Variants in INSC observed in about 807,000 individuals in gnomAD.
INSC encodes INSC spindle orientation adaptor protein, also known as protein inscuteable homolog.
Under a neutral mutation model 58.6 loss-of-function variants are expected in INSC, and 67 were observed. The ratio of observed to expected loss-of-function variants is 1.14; its 90% confidence interval spans 0.94 to 1.40. INSC has a LOEUF of 1.40. INSC is among the 40% of genes most tolerant of loss of function. The pLI is 0.00. For synonymous variants in INSC, 262 were observed against 276.1 expected (o/e 0.95, Z 0.51); for missense variants, 714 against 692.0 (o/e 1.03, Z -0.36).
chr11:15,164,872 C>T (rs1714342), intron 2 of INSC, among the ~76,000 whole-genome samples: 125,391 of 152,052 alleles, frequency 0.82, 51,836 homozygotes, highest in East Asian at 0.98. Context: ...ATAAGTCTCA[C>T]GAGATCTGAT....
the INSC span, among the ~76,000 whole-genome samples, chr11:15,258,118 G>A: frequency 2.6e-5 from 4 of 152,108 alleles, no homozygotes; most frequent in African/African-American, 7.2e-5. Context: ...GTAGACATAC[G>A]GGTGTTTGTT....
At chr11:15,216,464 T>C (rs1851222671) in intron 7 of INSC, among the ~76,000 whole-genome samples, 1 of 152,204 alleles carries the variant, frequency 6.6e-6, no homozygotes, top group Non-Finnish European at 1.5e-5. Flanking sequence ...TCATCTCTCT[T>C]ATTTATTTCT....
At chr11:15,115,072 G>C (rs1450050954) in intron 1 of INSC, 69 bp downstream of exon 1, 7 of 941,890 alleles carry the variant, frequency 7.4e-6, no homozygotes, top group Non-Finnish European at 8.9e-6. Flanking sequence ...GTTGGGAACA[G>C]TGCAGGTTTG....
intron 9 of INSC, 36 bp downstream of exon 9, chr11:15,225,864 T>C (rs765700531): frequency 6.3e-7 from 1 of 1,590,490 alleles, no homozygotes; most frequent in Non-Finnish European, 8.6e-7. Context: ...ACAGGGCCCA[T>C]AGCCATGGAG....
chr11:15,187,673 C>T (rs1850020294), intron 5 of INSC, among the ~76,000 whole-genome samples: 1 of 152,134 alleles, frequency 6.6e-6, no homozygotes, highest in Non-Finnish European at 1.5e-5. Flanking sequence ...TCTCCTTAGC[C>T]CCCTTTTAAT....
the INSC span, among the ~76,000 whole-genome samples, chr11:15,267,009 T>G: frequency 1.3e-5 from 2 of 152,028 alleles, no homozygotes; most frequent in Non-Finnish European, 2.9e-5. Context: ...TTAGTATCAT[T>G]TTTCTTCTGA....
At chr11:15,254,638 G>A in the INSC span, among the ~76,000 whole-genome samples, 1 of 152,162 alleles carries the variant, frequency 6.6e-6, no homozygotes, top group Non-Finnish European at 1.5e-5. Context: ...GGTAATACAT[G>A]GAAAAGACTT....
upstream of INSC, among the ~76,000 whole-genome samples, chr11:15,114,761 C>T (rs1847650033): frequency 6.6e-6 from 1 of 152,054 alleles, no homozygotes; most frequent in African/African-American, 2.4e-5. Flanking sequence ...AGACAGCAGG[C>T]AGCCGTGGCT....
intron 2 of INSC, among the ~76,000 whole-genome samples, chr11:15,161,457 G>A (rs11605952): frequency 0.025 from 3,795 of 152,326 alleles, 80 homozygotes; most frequent in Middle Eastern, 0.044. Context: ...GCTTGGAGCA[G>A]AGGACTAGTG....
At chr11:15,230,528 C>T (rs564088014) in intron 9 of INSC, among the ~76,000 whole-genome samples, 10 of 152,294 alleles carry the variant, frequency 6.6e-5, no homozygotes, top group African/African-American at 2.4e-4. Flanking sequence ...CAGGCTCCAC[C>T]TCTAACATAG....
chr11:15,113,752 G>C (rs1402449767), upstream of INSC, among the ~76,000 whole-genome samples: 2 of 152,154 alleles, frequency 1.3e-5, no homozygotes. Flanking sequence ...CTGAGGAGGA[G>C]AGTTAATATC....
At chr11:15,258,300 G>T in the INSC span, among the ~76,000 whole-genome samples, 1 of 152,302 alleles carries the variant, frequency 6.6e-6, no homozygotes, top group Admixed American at 6.5e-5. Context: ...GAAAGAGATT[G>T]CTGGGTCAGA....
chr11:15,220,285 C>A (rs542354904), intron 7 of INSC, among the ~76,000 whole-genome samples: 31 of 152,304 alleles, frequency 2.0e-4, no homozygotes, highest in African/African-American at 6.7e-4. Context: ...CCTGTTCTTC[C>A]CCTGCCTCAT....
chr11:15,159,040 G>A (rs1290623321), intron 2 of INSC, among the ~76,000 whole-genome samples: 1 of 152,142 alleles, frequency 6.6e-6, no homozygotes, highest in African/African-American at 2.4e-5. Flanking sequence ...CTGGCTGTAG[G>A]ACTTGAGACA....
chr11:15,248,424 A>G (rs953902735), downstream of INSC, among the ~76,000 whole-genome samples: 1 of 152,240 alleles, frequency 6.6e-6, no homozygotes, highest in African/African-American at 2.4e-5. Flanking sequence ...TAGTATTTTT[A>G]TAAAAATAGT....
chr11:15,189,231 A>C (rs1850077188), intron 5 of INSC, among the ~76,000 whole-genome samples: 1 of 152,236 alleles, frequency 6.6e-6, no homozygotes, highest in Admixed American at 6.5e-5. Flanking sequence ...GTACAAGATC[A>C]CAAAACTGTA....
rs183835453 is a variant in INSC at position 15,144,604 on chromosome 11, T to A, written c.-45-4526T>A. ...CTTACTGTCCCCTGTCCCTTCCATG[T>A]TGACAGCCCTAATATTGACAGCCCT... On this transcript the variant is annotated intron_variant, in intron 1 of 12. Coordinates refer to ENST00000379556, the MANE Select transcript of INSC (RefSeq NM_001042536.3). 1.1e-4 allele frequency among the ~76,000 whole-genome samples: 17 copies of A among 152,292 alleles called. No homozygotes were observed. The East Asian group carries it at 2.9e-3, about 26-fold the overall frequency.
At position 15,175,814 on chromosome 11, in the gene INSC, A is replaced by G. The variant is rs755037806; in HGVS notation, c.130A>G (p.Met44Val). The change falls in exon 3 of 13, where the codon ATG (methionine) becomes GTG (valine). Residue 44 changes from methionine to valine, a missense_variant. Met to Val is a conservative substitution (Grantham distance 21). Coordinates refer to ENST00000379556, the MANE Select transcript of INSC (RefSeq NM_001042536.3). ...GAAGCTCATGACCGAGTGCGAGTGC[A>G]TGTGTGTCCTGCAGGCCAAGCCCAT... ...DLKLMTECEC[M>V]CVLQAKPISL... The G allele has an allele frequency of 4.3e-6, 7 of 1,609,272 alleles. No individual in the cohort carries two copies. Among genetic ancestry groups the G allele is most frequent in the Non-Finnish European group, 6.0e-6 (7 of 1,176,112 alleles).
At position 15,190,784 on chromosome 11, in the gene INSC, G is replaced by T. The variant is rs763681856; in HGVS notation, c.663G>T (p.Glu221Asp). The change falls in exon 6 of 13, where the codon GAG becomes GAT. Residue 221 changes from glutamate (E) to aspartate (D), a missense_variant. Coordinates refer to ENST00000379556, the MANE Select transcript of INSC (RefSeq NM_001042536.3). Reference sequence around the variant, plus strand: ...GGAACCTGTTCAGCCTGACCCAGGAGGGGGCTCCCTTGTGCCGCATCATAG... The same window carrying T: ...GGAACCTGTTCAGCCTGACCCAGGATGGGGCTCCCTTGTGCCGCATCATAG... The part of the protein sequence containing the change: ...TTGNLFSLTQ[E>D]GAPLCRIIAK... 6.2e-7 allele frequency: 1 copy of T among 1,613,824 alleles called. No individual in the cohort carries two copies. The highest frequency in any genetic ancestry group is 8.5e-7 in the Non-Finnish European group (1 of 1,179,736).
Sources: allele counts gnomAD v4.1 joint callset (sites outside exome capture counted in the v4.1 genomes callset), GRCh38; gene constraint gnomAD v4.1.1; transcripts MANE v1.5; gene names NCBI Gene and HGNC (gene_info 2026-07-23, HGNC 2026-07-21).